The following SYCP2 variants were observed in gnomAD, a reference collection of about 807,000 sequenced individuals.
The protein encoded by SYCP2 is synaptonemal complex lateral element protein.
A neutral mutation model predicts 211.3 loss-of-function variants in SYCP2; 55 were observed. The observed-to-expected ratio is 0.26, with a 90% CI of 0.21 to 0.33. SYCP2 has a LOEUF of 0.33. Among genes scored for constraint, SYCP2 ranks in the 10% least tolerant of loss-of-function variants. The pLI, the probability that SYCP2 is intolerant of heterozygous loss-of-function variation, is 1.00. For synonymous variants in SYCP2, 570 were observed against 555.2 expected, an observed-to-expected ratio of 1.03 and a Z score of -0.37; for missense variants, 1,731 against 1,752.0, an observed-to-expected ratio of 0.99 and a Z score of 0.21.
At chr20:59,927,690 T>C (rs2060658881) in intron 2 of SYCP2, among the ~76,000 whole-genome samples, 1 of 152,142 alleles carries the variant, frequency 6.6e-6, no homozygotes, top group Non-Finnish European at 1.5e-5. Flanking sequence ...ACTCCTAGCT[T>C]CCGTGAGAAA....
rs563846100 is a variant in SYCP2, at chr20:59,864,148, C to T, written c.*163G>A. The T allele has an allele frequency of 1.7e-5, 8 of 473,552 alleles. No individual in the cohort carries two copies. The South Asian group carries it at 3.6e-4, about 21-fold the overall frequency. 29.3% of individuals were successfully genotyped at this position (473,552 alleles called of 1,614,324 possible). A position where few individuals can be genotyped will look rare whatever the true frequency, so the allele number is the denominator to read the frequency against. On this transcript the variant is annotated 3_prime_UTR_variant, in exon 45 of 45. Transcript: ENST00000357552. ...CTTGGACTCATGTTATAGTGGTTCC[C>T]TCTCATCCATTAAAAGACATTTTTT...
chr20:59,896,484 A>T lies in SYCP2; in HGVS notation c.1449T>A (p.Ile483=), dbSNP rs1251320613. ...TAGTGTATCTATCTGCACCAGAAAC[A>T]ATCATTGATGCTTCAGACATTTTTC... ...SKRKMSEASM[I]VSGADRYTMR... Residue 483 remains isoleucine (I), a synonymous_variant, in exon 19 of 45, where the codon ATT becomes ATA. Transcript: ENST00000357552. 4 of 1,611,022 alleles carry T rather than the reference A, an allele frequency of 2.5e-6. No homozygotes were observed. In the East Asian group the frequency reaches 6.7e-5, roughly 27 times the overall value.
At position 59,908,542 on chromosome 20, in the gene SYCP2, T is replaced by A. The variant is rs1477284555; in HGVS notation, c.973-1118A>T. On this transcript the variant is annotated intron_variant, in intron 14 of 44. Transcript: ENST00000357552. ...CTTGCTCCTTTGAGGAATATCTCAGTTGGCATACTCTATTCCCAATAATTG... is the reference window on the plus strand; with the variant it reads ...CTTGCTCCTTTGAGGAATATCTCAGATGGCATACTCTATTCCCAATAATTG... 2.0e-5 allele frequency among the ~76,000 whole-genome samples: 3 copies of A among 152,214 alleles called. No homozygotes were observed. The East Asian group carries it at 5.8e-4, about 29-fold the overall frequency.
chr20:59,915,160 CT>C lies in SYCP2; in HGVS notation c.634+4del. On this transcript the variant is annotated splice_donor_region_variant and intron_variant, in intron 10 of 44. Coordinates refer to ENST00000357552, the MANE Select transcript of SYCP2 (RefSeq NM_014258.4). The stretch of plus-strand genomic sequence containing the variant: ...TAATTTTAGATTTGGAAAAGACATA[CT>C]TACCTCCAGCATCTAAAATCCTTTC... The C allele has an allele frequency of 6.4e-7, 1 of 1,561,124 alleles. No homozygotes were observed. Among genetic ancestry groups the C allele is most frequent in the Non-Finnish European group, 8.8e-7 (1 of 1,134,254 alleles).
chr20:59,925,771 A>G (rs2060623173), intron 2 of SYCP2, among the ~76,000 whole-genome samples: 1 of 152,040 alleles, frequency 6.6e-6, no homozygotes, highest in Non-Finnish European at 1.5e-5. Flanking sequence ...GATTACTGGG[A>G]CTACTACTGC....
rs770564147 is a variant in SYCP2, at chr20:59,892,257, A to G, written c.2097T>C (p.His699=). 155 of 1,612,676 alleles carry G rather than the reference A, an allele frequency of 9.6e-5. No homozygotes were observed. The highest frequency in any genetic ancestry group is 1.3e-4 in the Non-Finnish European group (152 of 1,179,248). Residue 699 remains histidine, a synonymous_variant, in exon 24 of 45, where the codon CAT becomes CAC. Coordinates refer to ENST00000357552, the MANE Select transcript of SYCP2 (RefSeq NM_014258.4). ...TATTTTTCTGCCCTGAATATTTAGG[A>G]TGATTTTGTTGCTGATTGTGTTTCT... is the stretch of plus-strand genomic sequence containing the variant. ...VCKKHNQQQN[H]PKYSGQKNTE...
chr20:59,919,627 C>T (rs760957084), intron 5 of SYCP2, 30 bp from the exon 6 acceptor site: 1 of 1,360,146 alleles, frequency 7.4e-7, no homozygotes, highest in Admixed American at 1.9e-5. Flanking sequence ...TATTAGAGTT[C>T]CATTTTAATA....
At position 59,921,474 on chromosome 20, in the gene SYCP2, G is replaced by T. The variant is rs752167258; in HGVS notation, c.25-21C>A. The T allele has an allele frequency of 9.7e-6, 15 of 1,548,898 alleles. No individual in the cohort carries two copies. The East Asian group carries it at 3.5e-4, about 36-fold the overall frequency. ...AACTGCTAGAGAAATATATTTAATGGCACATACTGTATCAAAACCAAAATT... is the reference window on the plus strand; with the variant it reads ...AACTGCTAGAGAAATATATTTAATGTCACATACTGTATCAAAACCAAAATT... On this transcript the variant is annotated intron_variant, in intron 3 of 44. Transcript: ENST00000357552.
rs888909396 is a variant in SYCP2 at position 59,915,319 on chromosome 20, G to C, written c.600-120C>G. The C allele has an allele frequency of 6.8e-6, 7 of 1,022,202 alleles. No individual in the cohort carries two copies. In the Admixed American group the frequency reaches 9.0e-5, roughly 13 times the overall value. The allele number at this position is 1,022,202 out of a possible 1,614,324, so 63.3% of individuals were successfully genotyped here. A position where few individuals can be genotyped will look rare whatever the true frequency, so the allele number is the denominator to read the frequency against. On this transcript the variant is annotated intron_variant, in intron 9 of 44. Coordinates refer to ENST00000357552, the MANE Select transcript of SYCP2 (RefSeq NM_014258.4). The stretch of plus-strand genomic sequence containing the variant: ...CAATTGGCTAATATCATCGACTTTT[G>C]CAGAAATTATATGCATACACTAAAT...
rs1239290207 is a variant in SYCP2 at position 59,875,254 on chromosome 20, AAC to A, written c.3349+15_3349+16del. 1.3e-6 allele frequency: 2 copies of A among 1,531,996 alleles called. No individual in the cohort carries two copies. Among genetic ancestry groups the A allele is most frequent in the Non-Finnish European group, 1.8e-6 (2 of 1,131,024 alleles). 94.9% of individuals were successfully genotyped at this position (1,531,996 alleles called of 1,614,324 possible). A position where few individuals can be genotyped will look rare whatever the true frequency, so the allele number is the denominator to read the frequency against. Reference sequence around the variant, plus strand: ...CTATTGAATATTCAAGTAAAGAAAAAACAAAGTTATACTGACATCTCGTTACT... The same window carrying A: ...CTATTGAATATTCAAGTAAAGAAAAAAAAGTTATACTGACATCTCGTTACT... On this transcript the variant is annotated intron_variant, in intron 34 of 44. Coordinates refer to ENST00000357552, the MANE Select transcript of SYCP2 (RefSeq NM_014258.4).
At chr20:59,877,073 C>T (rs2059574813) in intron 33 of SYCP2, among the ~76,000 whole-genome samples, 2 of 152,112 alleles carry the variant, frequency 1.3e-5, no homozygotes, top group Admixed American at 1.3e-4. Context: ...TCAACAGACA[C>T]ACAGCTTCTC....
At position 59,916,637 on chromosome 20, in the gene SYCP2, T is replaced by C. The variant is rs572847957; in HGVS notation, c.428-66A>G. ...AATCCTCTTAACTGTCAGTCTTTTC[T>C]TATAAGAGTTAGTGGAAAGGGGCCA... On this transcript the variant is annotated intron_variant, in intron 7 of 44. Coordinates refer to ENST00000357552, the MANE Select transcript of SYCP2 (RefSeq NM_014258.4). 67 of 1,125,216 alleles carry C rather than the reference T, an allele frequency of 6.0e-5. 2 individuals carry two copies. The East Asian group carries it at 1.6e-3, about 27-fold the overall frequency. The allele number at this position is 1,125,216 out of a possible 1,614,324, so 69.7% of individuals were successfully genotyped here.
Position 59,896,446 on chromosome 20 carries a change from A to T in SYCP2, c.1487T>A (p.Val496Glu), listed in dbSNP as rs992121956. ...GADRYTMRSP[V>E]LFSNTSIPPR... is the part of the protein sequence containing the mutation. ...AAACTTACATGTGTTGCTGAAAAGC[A>T]CTGGACTTCTCATAGTGTATCTATC... is the stretch of plus-strand genomic sequence containing the variant. The change falls in exon 19 of 45, where the codon GTG becomes GAG. Residue 496 changes from valine to glutamate, a missense_variant. Physicochemically the swap from Val to Glu is moderately radical, Grantham distance 121 (BLOSUM62 -2). Transcript: ENST00000357552. 1.3e-6 allele frequency: 2 copies of T among 1,588,800 alleles called. No homozygotes were observed. The highest frequency in any genetic ancestry group is 1.7e-6 in the Non-Finnish European group (2 of 1,160,952).
intron 24 of SYCP2, among the ~76,000 whole-genome samples, chr20:59,888,090 A>G (rs188323114): frequency 3.4e-4 from 51 of 152,190 alleles, no homozygotes; most frequent in African/African-American, 9.9e-4. Flanking sequence ...TTTAAGGAAG[A>G]AATTATGCCA....
At chr20:59,904,418 G>C (rs2060176211) in intron 15 of SYCP2, among the ~76,000 whole-genome samples, 1 of 152,088 alleles carries the variant, frequency 6.6e-6, no homozygotes, top group African/African-American at 2.4e-5. Flanking sequence ...TCAACAGACT[G>C]GGATGGCCAC....
At chr20:59,903,472 T>A (rs2060155905) in intron 15 of SYCP2, among the ~76,000 whole-genome samples, 1 of 151,976 alleles carries the variant, frequency 6.6e-6, no homozygotes, top group Non-Finnish European at 1.5e-5. Flanking sequence ...TTGAGCCCAT[T>A]GATATACTGA....
chr20:59,879,251 C>G (rs1488998232), intron 31 of SYCP2, among the ~76,000 whole-genome samples: 2 of 151,916 alleles, frequency 1.3e-5, no homozygotes, highest in Non-Finnish European at 2.9e-5. Context: ...CCAAATACTT[C>G]AATACTGCAT....
intron 25 of SYCP2, among the ~76,000 whole-genome samples, chr20:59,886,473 G>A (rs189357919): frequency 2.1e-4 from 32 of 152,032 alleles, no homozygotes; most frequent in Non-Finnish European, 1.3e-4. Context: ...TTGTATTGAT[G>A]TGTTTTTTGA....
At chr20:59,930,020 G>A (rs887858232) in intron 2 of SYCP2, among the ~76,000 whole-genome samples, 8 of 151,932 alleles carry the variant, frequency 5.3e-5, no homozygotes, top group Non-Finnish European at 1.0e-4. Flanking sequence ...CCTGCTATGC[G>A]CTCTATATAG....
Sources: gnomAD v4.1 joint callset for allele counts (sites outside exome capture counted in the v4.1 genomes callset) on GRCh38, gnomAD v4.1.1 for gene constraint, MANE v1.5 for transcripts, NCBI Gene and HGNC (gene_info 2026-07-23, HGNC 2026-07-21) for gene names.